The following CAPN10 variants were observed in gnomAD, a reference collection of about 807,000 sequenced individuals.
CAPN10 encodes calpain-10.
CAPN10 carries 71 observed loss-of-function variants against 78.4 expected under a neutral mutation model. That is an observed-to-expected ratio of 0.91 (90% CI 0.75 to 1.10). The LOEUF is 1.10. Among genes scored for constraint, CAPN10 ranks in the 50% least tolerant of loss-of-function variants. CAPN10 has a pLI of 0.00. For missense variants in CAPN10, 849 were observed against 924.6 expected (o/e 0.92, Z 1.06); for synonymous variants, 437 against 407.2 (o/e 1.07, Z -0.88).
intron 1 of CAPN10, among the ~76,000 whole-genome samples, chr2:240,588,800 G>A (rs554381330): frequency 1.3e-5 from 2 of 152,134 alleles, no homozygotes; most frequent in South Asian, 2.1e-4. Context: ...GTGGGATTCT[G>A]CCCGGGGAGC....
At chr2:240,596,575 G>A in intron 8 of CAPN10, 54 bp downstream of exon 8, 5 of 1,547,842 alleles carry the variant, frequency 3.2e-6, no homozygotes, top group Admixed American at 1.9e-5. Context: ...GCCCTTCCAA[G>A]GCAGGATTTG....
chr2:240,594,165 C>A, intron 5 of CAPN10, 118 bp downstream of exon 5: 1 of 1,084,202 alleles, frequency 9.2e-7, no homozygotes, highest in Non-Finnish European at 1.3e-6. Context: ...AGCAAGGCCC[C>A]TGAGTCCCTG....
intron 4 of CAPN10, 105 bp from the exon 5 acceptor site, chr2:240,593,801 T>G (rs1575449083): frequency 7.4e-7 from 1 of 1,350,866 alleles, no homozygotes; most frequent in Non-Finnish European, 1.0e-6. Context: ...CATAGTGGGG[T>G]GGGCTGGAGC....
intron 5 of CAPN10, 83 bp from the exon 6 acceptor site, chr2:240,594,460 C>T (rs2093122942): frequency 6.9e-7 from 1 of 1,453,632 alleles, no homozygotes; most frequent in African/African-American, 1.4e-5. Context: ...TCTGGGTCCC[C>T]TCCAGGCTTC....
intron 7 of CAPN10, chr2:240,596,039 C>T (rs1575451331): frequency 6.6e-7 from 1 of 1,504,012 alleles, no homozygotes. Context: ...CACTGTCCAG[C>T]AGCCCCCAGG....
intron 7 of CAPN10, chr2:240,596,052 G>C (rs952884589): frequency 7.9e-6 from 12 of 1,515,774 alleles, no homozygotes; most frequent in African/African-American, 1.4e-5. Flanking sequence ...CCCCCAGGTT[G>C]CCTGGGCCAC....
Position 240,592,338 on chromosome 2 carries a change from G to T in CAPN10, c.688+188G>T, listed in dbSNP as rs562965680. 20 of 672,912 alleles carry T rather than the reference G, an allele frequency of 3.0e-5. No homozygotes were observed. In the South Asian group the frequency reaches 3.3e-4, roughly 11 times the overall value. The allele number at this position is 672,912 out of a possible 1,614,324, so 41.7% of individuals were successfully genotyped here. A position where few individuals can be genotyped will look rare whatever the true frequency, so the allele number is the denominator to read the frequency against. ...TTCCCCTACTGTCCTCTTCCAGAGG[G>T]ACGTGGCCCTTCTCTCCCCTGACCA... On this transcript the variant is annotated intron_variant, in intron 4 of 11. Transcript: ENST00000391984.
chr2:240,598,535 G>C, intron 11 of CAPN10, 116 bp from the exon 12 acceptor site: 2 of 1,442,668 alleles, frequency 1.4e-6, no homozygotes, highest in Non-Finnish European at 1.9e-6. Flanking sequence ...GCCCCGGGCG[G>C]TGCCTTGAAG....
chr2:240,598,290 A>C, intron 10 of CAPN10, 62 bp from the exon 11 acceptor site: 1 of 1,575,428 alleles, frequency 6.3e-7, no homozygotes, highest in Non-Finnish European at 8.7e-7. Context: ...GTGGGCCAGG[A>C]GCACACAGCC....
In CAPN10 at chr2:240,595,120, C is replaced by T. The variant is rs2093128301; in HGVS notation, c.1094C>T (p.Pro365Leu). Reference protein sequence around the residue: ...CRNNSGFPSNPKFWLRVSEPS... With the variant: ...CRNNSGFPSNLKFWLRVSEPS... ...AACAACAGCGGCTTTCCCAGCAACC[C>T]CAAATTCTGGCTGCGGGTCTCAGAA... is the stretch of plus-strand genomic sequence containing the variant. Residue 365 changes from proline to leucine, a missense_variant, in exon 7 of 12, where the codon CCC becomes CTC. Transcript: ENST00000391984. 6.2e-7 allele frequency: 1 copy of T among 1,613,844 alleles called. No homozygotes were observed. The highest frequency in any genetic ancestry group is 8.5e-7 in the Non-Finnish European group (1 of 1,180,044).
chr2:240,596,972 G>A, intron 9 of CAPN10, 30 bp downstream of exon 9: 1 of 1,612,950 alleles, frequency 6.2e-7, no homozygotes, highest in Non-Finnish European at 8.5e-7. Flanking sequence ...GAGGGAGGGG[G>A]AGCAGAAGGG....
At chr2:240,597,088 AG>A in intron 9 of CAPN10, 146 bp downstream of exon 9, 1 of 1,018,082 alleles carries the variant, frequency 9.8e-7, no homozygotes, top group South Asian at 1.5e-5. Context: ...GAACCCGCAC[AG>A]GGCCCTCTCC....
intron 3 of CAPN10, 174 bp from the exon 4 acceptor site, chr2:240,591,759 T>G: frequency 1.6e-6 from 1 of 619,248 alleles, no homozygotes; most frequent in Non-Finnish European, 2.8e-6. Flanking sequence ...AGTAAGGCGT[T>G]TGAAGGTGAG....
At chr2:240,594,136 A>G in intron 5 of CAPN10, 89 bp downstream of exon 5, 1 of 1,381,404 alleles carries the variant, frequency 7.2e-7, no homozygotes, top group Non-Finnish European at 9.7e-7. Context: ...AGCTGTCAGG[A>G]CTGTACTTGG....
intron 7 of CAPN10, chr2:240,596,078 C>T: frequency 6.5e-7 from 1 of 1,533,446 alleles, no homozygotes; most frequent in African/African-American, 1.4e-5. Context: ...CTTTGTGGGC[C>T]CAGCTACAAG....
chr2:240,594,182 T>A (rs1344675052), intron 5 of CAPN10, 135 bp downstream of exon 5: 26 of 949,226 alleles, frequency 2.7e-5, no homozygotes. Context: ...CCTGCTCTCG[T>A]GACACCATGC....
chr2:240,592,451 C>A, intron 4 of CAPN10: 1 of 651,850 alleles, frequency 1.5e-6, no homozygotes, highest in Admixed American at 2.1e-5. Flanking sequence ...GGCAACCTGG[C>A]AAAATCAAAA....
chr2:240,590,589 G>C, intron 2 of CAPN10: 1 of 520,854 alleles, frequency 1.9e-6, no homozygotes, highest in Non-Finnish European at 3.4e-6. Flanking sequence ...CGACATCCAG[G>C]TGTGCCGTAG....
Position 240,591,999 on chromosome 2 carries a change from C to T in CAPN10, c.537C>T (p.Gly179=), listed in dbSNP as rs762780007. ...QVADALVDLT[G]GLAERWNLKG... ...CGGATGCCCTGGTGGACCTGACCGG[C>T]GGCCTGGCAGAAAGATGGAACCTGA... is the stretch of plus-strand genomic sequence containing the variant. The change falls in exon 4 of 12, where the codon GGC becomes GGT. Residue 179 remains glycine, a synonymous_variant. Coordinates refer to ENST00000391984, the MANE Select transcript of CAPN10 (RefSeq NM_023083.4). The T allele has an allele frequency of 6.8e-6, 11 of 1,613,208 alleles. No homozygotes were observed. In the South Asian group the frequency reaches 7.7e-5, roughly 11 times the overall value.
Sources: allele counts gnomAD v4.1 joint callset (sites outside exome capture counted in the v4.1 genomes callset), GRCh38; gene constraint gnomAD v4.1.1; transcripts MANE v1.5; gene names NCBI Gene and HGNC (gene_info 2026-07-23, HGNC 2026-07-21).